STAG3: variants seen among roughly 807,000 people sequenced by gnomAD.
STAG3 encodes the protein STAG3 cohesin complex component.
In STAG3, 101 loss-of-function variants were observed where a neutral mutation model predicts 160.7. The observed-to-expected ratio is 0.63, with a 90% CI of 0.54 to 0.74. The LOEUF (loss-of-function observed/expected upper bound fraction) is 0.74, where lower values mean the gene tolerates loss of function less well. STAG3 is among the 30% of genes least tolerant of loss of function. STAG3 has a pLI of 0.00. For synonymous variants in STAG3, 519 were observed against 585.0 expected (o/e 0.89, Z 1.63); for missense variants, 1,188 against 1,517.4 (o/e 0.78, Z 3.61).
intron 8 of STAG3, among the ~76,000 whole-genome samples, chr7:100,191,508 G>A (rs1023788584): frequency 2.0e-5 from 3 of 152,204 alleles, no homozygotes; most frequent in African/African-American, 7.2e-5. Context: ...GCATATGAAA[G>A]TTGTGTTTAC....
chr7:100,180,425 A>G, intron 1 of STAG3, 68 bp from the exon 2 acceptor site: 1 of 664,246 alleles, frequency 1.5e-6, no homozygotes, highest in South Asian at 1.7e-5. Flanking sequence ...TTGGAAAGAA[A>G]GGGACTGGTC....
intron 21 of STAG3, 24 bp downstream of exon 21, chr7:100,201,375 G>A (rs769039771): frequency 6.2e-7 from 1 of 1,608,684 alleles, no homozygotes; most frequent in Non-Finnish European, 8.5e-7. Context: ...CTAGAGATGG[G>A]TTGGGGGCTG....
intron 7 of STAG3, 97 bp downstream of exon 7, chr7:100,189,113 C>T: frequency 7.3e-7 from 1 of 1,364,758 alleles, no homozygotes; most frequent in Admixed American, 1.9e-5. Flanking sequence ...TGCATCTTGG[C>T]TCTTCACTTC....
chr7:100,202,378 GGGC>G, intron 24 of STAG3, 38 bp downstream of exon 24: 1 of 1,610,768 alleles, frequency 6.2e-7, no homozygotes, highest in Middle Eastern at 1.7e-4. Flanking sequence ...GTAAGGGCTG[GGGC>G]TTGGGTGTAG....
intron 5 of STAG3, among the ~76,000 whole-genome samples, chr7:100,187,866 C>T (rs1562969281): frequency 6.6e-6 from 1 of 151,634 alleles, no homozygotes; most frequent in Non-Finnish European, 1.5e-5. Context: ...AAGCGATTCT[C>T]CTGCCTCAGC....
chr7:100,203,399 T>G (rs1801325369), intron 25 of STAG3, among the ~76,000 whole-genome samples: 1 of 152,090 alleles, frequency 6.6e-6, no homozygotes, highest in Non-Finnish European at 1.5e-5. Context: ...GCCAGGATGG[T>G]CTTGATCTCC....
intron 26 of STAG3, 137 bp downstream of exon 26, chr7:100,204,259 T>A: frequency 1.5e-6 from 1 of 676,162 alleles, no homozygotes; most frequent in Non-Finnish European, 2.5e-6. Flanking sequence ...GATAGGTTCC[T>A]TCATTCTTAG....
Position 100,198,144 on chromosome 7 carries a change from A to G in STAG3, c.1222A>G (p.Arg408Gly), listed in dbSNP as rs750465952. The G allele has an allele frequency of 6.2e-6, 10 of 1,613,880 alleles. No individual in the cohort carries two copies. In the East Asian group the frequency reaches 6.7e-5, roughly 11 times the overall value. The change falls in exon 12 of 34, where the codon AGA becomes GGA. Residue 408 changes from arginine to glycine, a missense_variant. Around this residue, in one of 4 missense-constraint regions of STAG3, gnomAD observed 240 missense variants for 358.1 expected, o/e 0.67. Coordinates refer to ENST00000615138, the MANE Select transcript of STAG3 (RefSeq NM_001282717.2). The stretch of plus-strand genomic sequence containing the variant: ...GTATGATGTGGCAGTGGAGGCTGTC[A>G]GATTACTGATACTTATCCTTAAGTG... The part of the protein sequence containing the change: ...REYDVAVEAV[R>G]LLILILKNME...
intron 8 of STAG3, among the ~76,000 whole-genome samples, chr7:100,191,624 T>C (rs933987867): frequency 1.3e-5 from 2 of 152,228 alleles, no homozygotes; most frequent in Non-Finnish European, 2.9e-5. Context: ...TCTGAACCTT[T>C]AGCGAGTTAA....
chr7:100,213,721 C>G lies in STAG3; in HGVS notation c.3601-14C>G, dbSNP rs1170723048. ...TGTAAAGGCCTTTTTGACTTTTAACCTCATTCTCTCTAGCAAGCAAGTAGC... is the reference window on the plus strand; with the variant it reads ...TGTAAAGGCCTTTTTGACTTTTAACGTCATTCTCTCTAGCAAGCAAGTAGC... On this transcript the variant is annotated splice_polypyrimidine_tract_variant and intron_variant, in intron 32 of 33. Coordinates refer to ENST00000615138, the MANE Select transcript of STAG3 (RefSeq NM_001282717.2). The G allele has an allele frequency of 2.5e-6, 4 of 1,613,770 alleles. No homozygotes were observed. Among genetic ancestry groups the G allele is most frequent in the Non-Finnish European group, 2.5e-6 (3 of 1,179,920 alleles).
chr7:100,183,931 T>G (rs1202817042), intron 4 of STAG3, among the ~76,000 whole-genome samples: 1 of 152,240 alleles, frequency 6.6e-6, no homozygotes, highest in Non-Finnish European at 1.5e-5. Flanking sequence ...TTATTTGATT[T>G]CTAACTTCAT....
chr7:100,177,724 C>A (rs1584636936), upstream of STAG3: 1 of 152,714 alleles, frequency 6.5e-6, no homozygotes, highest in African/African-American at 2.4e-5. Flanking sequence ...GGGGCTAAAG[C>A]GGGCCGCCCG....
At chr7:100,217,553 T>C (rs1336135105), downstream of STAG3, among the ~76,000 whole-genome samples, 19 of 152,100 alleles carry the variant, frequency 1.2e-4, no homozygotes, top group Admixed American at 1.2e-3. Context: ...AAAAGACAGC[T>C]GGGCCCGGGG....
chr7:100,216,849 C>G (rs571147671), downstream of STAG3, among the ~76,000 whole-genome samples: 21 of 152,236 alleles, frequency 1.4e-4, no homozygotes, highest in South Asian at 4.4e-3. Flanking sequence ...CAAAAACAGG[C>G]AAATCAAGTG....
chr7:100,212,440 T>C (rs552415031), intron 32 of STAG3: 1 of 152,228 alleles, frequency 6.6e-6, no homozygotes, highest in South Asian at 2.1e-4. Flanking sequence ...GCCTCCATTT[T>C]CTCATCTTTA....
chr7:100,194,968 A>C (rs1362641334), intron 8 of STAG3, among the ~76,000 whole-genome samples: 1 of 152,208 alleles, frequency 6.6e-6, no homozygotes, highest in Non-Finnish European at 1.5e-5. Flanking sequence ...GGGTTGTCAC[A>C]CACCTTTAGT....
rs895245334 is a variant in STAG3, at chr7:100,189,566, G to A, written c.837G>A (p.Arg279=). The A allele has an allele frequency of 2.5e-6, 4 of 1,613,778 alleles. No homozygotes were observed. The African/African-American group carries it at 5.3e-5, about 22-fold the overall frequency. Residue 279 remains arginine (R), a synonymous_variant, in exon 8 of 34, where the codon CGG becomes CGA. Transcript: ENST00000615138. Reference sequence around the variant, plus strand: ...GGCCAGGGCAGAGGGCACCTGAGCGGCTGGAGAGCCTGTTGGAGAAACGCA... The same window carrying A: ...GGCCAGGGCAGAGGGCACCTGAGCGACTGGAGAGCCTGTTGGAGAAACGCA... The part of the protein sequence containing the change: ...NKGPGQRAPE[R]LESLLEKRKE...
intron 5 of STAG3, among the ~76,000 whole-genome samples, chr7:100,188,157 T>C (rs1352647601): frequency 6.6e-6 from 1 of 152,188 alleles, no homozygotes; most frequent in Non-Finnish European, 1.5e-5. Flanking sequence ...ATCTTTGTGA[T>C]TGGGGTTTCT....
chr7:100,192,665 A>T (rs1800413157), intron 8 of STAG3, among the ~76,000 whole-genome samples: 1 of 152,216 alleles, frequency 6.6e-6, no homozygotes, highest in Non-Finnish European at 1.5e-5. Flanking sequence ...GTCATGGCTC[A>T]CTGCAGCCCC....
Sources: gnomAD v4.1 joint callset for allele counts (sites outside exome capture counted in the v4.1 genomes callset) on GRCh38, gnomAD v4.1.1 for gene constraint, gnomAD v4.1.1 regional missense constraint, MANE v1.5 for transcripts, NCBI Gene and HGNC (gene_info 2026-07-23, HGNC 2026-07-21) for gene names.